The following CATSPERT variants were observed in gnomAD, a reference collection of about 807,000 sequenced individuals.
CATSPERT encodes catsper channel auxiliary subunit tau.
the CATSPERT span, among the ~76,000 whole-genome samples, chr2:201,512,601 G>T: frequency 6.6e-6 from 1 of 152,042 alleles, no homozygotes; most frequent in Non-Finnish European, 1.5e-5. Context: ...CATCCAGGTT[G>T]TTGTATATAT....
chr2:201,495,610 T>G, the CATSPERT span, among the ~76,000 whole-genome samples: 16 of 152,058 alleles, frequency 1.1e-4, no homozygotes, highest in Non-Finnish European at 4.4e-5. Context: ...AAAATTATTT[T>G]TAATGGATGC....
At chr2:201,560,652 G>C in the CATSPERT span, among the ~76,000 whole-genome samples, 1 of 152,054 alleles carries the variant, frequency 6.6e-6, no homozygotes, top group Non-Finnish European at 1.5e-5. Flanking sequence ...CACATTATGA[G>C]AGTTCCAGAA....
the CATSPERT span, chr2:201,536,094 A>T: frequency 3.7e-6 from 6 of 1,613,442 alleles, no homozygotes; most frequent in African/African-American, 1.3e-5. Flanking sequence ...TGGAAAAAAT[A>T]CATTTTTCAT....
the CATSPERT span, chr2:201,618,984 A>G: frequency 1.2e-6 from 2 of 1,614,064 alleles, no homozygotes; most frequent in South Asian, 1.1e-5. Context: ...AAGGGACCGA[A>G]GAAGCCTCCG....
At chr2:201,606,898 CAAA>C in the CATSPERT span, among the ~76,000 whole-genome samples, 8 of 58,598 alleles carry the variant, frequency 1.4e-4, no homozygotes, top group Admixed American at 1.9e-4. Flanking sequence ...GACTCTGTCT[CAAA>C]AAAAAAAAAA....
chr2:201,582,308 G>T, the CATSPERT span: 5 of 1,204,246 alleles, frequency 4.2e-6, no homozygotes, highest in Non-Finnish European at 5.7e-6. Context: ...ACTATATTAT[G>T]CAAATATTAT....
At chr2:201,511,390 T>A in the CATSPERT span, among the ~76,000 whole-genome samples, 1 of 152,200 alleles carries the variant, frequency 6.6e-6, no homozygotes, top group African/African-American at 2.4e-5. Flanking sequence ...TATACTCATT[T>A]TGCAGATGAG....
the CATSPERT span, chr2:201,604,775 T>C: frequency 2.9e-6 from 3 of 1,046,762 alleles, no homozygotes; most frequent in Non-Finnish European, 2.8e-6. Context: ...ATAATTATTG[T>C]ATGAATCTCT....
the CATSPERT span, among the ~76,000 whole-genome samples, chr2:201,606,288 A>C: frequency 6.6e-6 from 1 of 152,242 alleles, no homozygotes; most frequent in African/African-American, 2.4e-5. Flanking sequence ...TCTTGCCTAC[A>C]GGCAAATGAC....
At chr2:201,592,447 T>C in the CATSPERT span, among the ~76,000 whole-genome samples, 1 of 148,628 alleles carries the variant, frequency 6.7e-6, no homozygotes, top group Admixed American at 6.8e-5. Context: ...ATTCTCTTTT[T>C]TGGTTGTGTC....
the CATSPERT span, among the ~76,000 whole-genome samples, chr2:201,582,821 T>C: frequency 6.6e-6 from 1 of 152,084 alleles, no homozygotes; most frequent in Non-Finnish European, 1.5e-5. Context: ...GCCTCCCCAC[T>C]CCTAAGAATC....
the CATSPERT span, chr2:201,487,852 G>T: frequency 6.2e-7 from 1 of 1,613,696 alleles, no homozygotes; most frequent in East Asian, 2.2e-5. Context: ...CTTTTTTAAG[G>T]TGTGTAAATG....
At chr2:201,543,353 A>C in the CATSPERT span, among the ~76,000 whole-genome samples, 1 of 152,170 alleles carries the variant, frequency 6.6e-6, no homozygotes, top group East Asian at 1.9e-4. Context: ...GTTCCACATA[A>C]ATTTTAGGAT....
the CATSPERT span, among the ~76,000 whole-genome samples, chr2:201,580,781 A>T: frequency 1.3e-5 from 2 of 152,228 alleles, no homozygotes; most frequent in Non-Finnish European, 2.9e-5. Context: ...ACACAACCAC[A>T]AAATGAGCTG....
At chr2:201,490,197 T>C in the CATSPERT span, among the ~76,000 whole-genome samples, 1 of 152,176 alleles carries the variant, frequency 6.6e-6, no homozygotes. Context: ...ATATTTGAAT[T>C]CTCAAGTTTC....
the CATSPERT span, among the ~76,000 whole-genome samples, chr2:201,613,302 A>T: frequency 1.3e-5 from 2 of 152,228 alleles, no homozygotes; most frequent in Non-Finnish European, 2.9e-5. Flanking sequence ...GACACCTCCC[A>T]GTAGGGGCCA....
chr2:201,568,436 C>G, the CATSPERT span, among the ~76,000 whole-genome samples: 8 of 152,170 alleles, frequency 5.3e-5, no homozygotes, highest in African/African-American at 1.9e-4. Flanking sequence ...GCAAACTGCT[C>G]CTGATGGTCT....
the CATSPERT span, among the ~76,000 whole-genome samples, chr2:201,612,581 G>GGAA: frequency 9.0e-6 from 1 of 111,268 alleles, no homozygotes; most frequent in African/African-American, 3.6e-5. Flanking sequence ...CTCCATCTTG[G>GGAA]AAAAAAAAAA....
At chr2:201,574,436 A>G in the CATSPERT span, among the ~76,000 whole-genome samples, 1 of 152,234 alleles carries the variant, frequency 6.6e-6, no homozygotes, top group Non-Finnish European at 1.5e-5. Context: ...CTCCTACAGA[A>G]GAATTTATTG....
Sources: gnomAD v4.1 joint callset for allele counts (sites outside exome capture counted in the v4.1 genomes callset) on GRCh38, gnomAD v4.1.1 for gene constraint, MANE v1.5 for transcripts, NCBI Gene and HGNC (gene_info 2026-07-23, HGNC 2026-07-21) for gene names.